Variants in GRIA4 observed in about 807,000 individuals in gnomAD.
The protein encoded by GRIA4 is glutamate receptor 4.
GRIA4 carries 34 observed loss-of-function variants against 104.0 expected under a neutral mutation model. The observed-to-expected ratio is 0.33, with a 90% CI of 0.25 to 0.44. The LOEUF is 0.44. Ranked by LOEUF, GRIA4 falls within the 20% of genes least tolerant of loss-of-function variation. The pLI, the probability that GRIA4 is intolerant of heterozygous loss-of-function variation, is 1.00. For synonymous variants in GRIA4, 386 were observed against 381.9 expected, an observed-to-expected ratio of 1.01 and a Z score of -0.13; for missense variants, 750 against 1,096.5, an observed-to-expected ratio of 0.68 and a Z score of 4.46.
intron 4 of GRIA4, among the ~76,000 whole-genome samples, chr11:105,755,170 G>A (rs748453426): frequency 6.6e-6 from 1 of 152,124 alleles, no homozygotes; most frequent in Non-Finnish European, 1.5e-5. Context: ...AGGAGAGATA[G>A]ATCTTATTAT....
At position 105,718,964 on chromosome 11, in the gene GRIA4, CAG is replaced by C. The variant is rs150243304; in HGVS notation, c.248-34014_248-34013del. On this transcript the variant is annotated intron_variant, in intron 3 of 16. Transcript: ENST00000282499. Reference sequence around the variant, plus strand: ...GAGTCAGGCATGAATGAGCTTACATCAGAGTTATGCCGTGGAGCTCCAGATCT... The same window carrying C: ...GAGTCAGGCATGAATGAGCTTACATCAGTTATGCCGTGGAGCTCCAGATCT... 2.9e-3 allele frequency among the ~76,000 whole-genome samples: 442 copies of C among 152,222 alleles called. 3 individuals carry two copies. The highest frequency in any genetic ancestry group is 0.01 in the African/African-American group (421 of 41,554).
At chr11:105,835,045 A>AT (rs1262863275) in intron 4 of GRIA4, among the ~76,000 whole-genome samples, 2 of 152,062 alleles carry the variant, frequency 1.3e-5, no homozygotes. Flanking sequence ...CTTTTGAGAA[A>AT]TGTGAATATT....
At chr11:105,794,096 G>A (rs1465105623) in intron 4 of GRIA4, among the ~76,000 whole-genome samples, 6 of 152,022 alleles carry the variant, frequency 3.9e-5, no homozygotes, top group East Asian at 1.9e-4. Context: ...AAATGTAGTC[G>A]GCAGTTATGA....
intron 4 of GRIA4, among the ~76,000 whole-genome samples, chr11:105,817,634 T>C (rs1387653596): frequency 2.0e-5 from 3 of 152,104 alleles, no homozygotes; most frequent in East Asian, 3.9e-4. Flanking sequence ...ATAAATTCCA[T>C]TTCAAAATAA....
intron 4 of GRIA4, among the ~76,000 whole-genome samples, chr11:105,769,907 A>AT (rs1565532113): frequency 1.3e-5 from 2 of 152,024 alleles, no homozygotes; most frequent in Non-Finnish European, 1.5e-5. Context: ...TTTTAGAGAT[A>AT]TTTTTCCCCT....
rs1403373590 is a variant in GRIA4, at chr11:105,634,518, A to T, written c.247+22084A>T. 1.0e-4 allele frequency among the ~76,000 whole-genome samples: 5 copies of T among 48,750 alleles called. No homozygotes were observed. The East Asian group carries it at 3.1e-3, about 30-fold the overall frequency. 32.0% of individuals were successfully genotyped at this position (48,750 alleles called of 152,430 possible). On this transcript the variant is annotated intron_variant, in intron 3 of 16. Transcript: ENST00000282499. Reference sequence around the variant, plus strand: ...GAAAGAAAGAAAGAAAGAAAGAAGAAAGAAAGAAAGAAAAGAAAGAAAAAG... The same window carrying T: ...GAAAGAAAGAAAGAAAGAAAGAAGATAGAAAGAAAGAAAAGAAAGAAAAAG...
intron 3 of GRIA4, among the ~76,000 whole-genome samples, chr11:105,685,701 G>A (rs1004715689): frequency 2.6e-5 from 4 of 152,260 alleles, no homozygotes; most frequent in South Asian, 2.1e-4. Flanking sequence ...GACATTCTAT[G>A]AGAAGAGAAA....
intron 3 of GRIA4, chr11:105,613,518 C>A (rs1320437782): frequency 6.6e-6 from 1 of 152,092 alleles, no homozygotes; most frequent in East Asian, 1.9e-4. Context: ...TCATATCAAG[C>A]TGGGAACATT....
chr11:105,714,261 A>G (rs1027849860), intron 3 of GRIA4, among the ~76,000 whole-genome samples: 4 of 152,066 alleles, frequency 2.6e-5, no homozygotes, highest in African/African-American at 9.7e-5. Context: ...AAACAAAAAA[A>G]AAAATCAATA....
chr11:105,792,376 G>C (rs1942252927), intron 4 of GRIA4, among the ~76,000 whole-genome samples: 1 of 152,128 alleles, frequency 6.6e-6, no homozygotes, highest in Admixed American at 6.6e-5. Context: ...GTATAAGAGA[G>C]TTCCAGTGAG....
intron 3 of GRIA4, among the ~76,000 whole-genome samples, chr11:105,739,080 T>C (rs1393702729): frequency 1.3e-5 from 2 of 152,092 alleles, no homozygotes; most frequent in Admixed American, 6.6e-5. Flanking sequence ...TACGGATTAG[T>C]AGTATAAAAG....
chr11:105,768,730 T>G (rs1292133088), intron 4 of GRIA4, among the ~76,000 whole-genome samples: 1 of 152,038 alleles, frequency 6.6e-6, no homozygotes, highest in Middle Eastern at 3.2e-3. Context: ...TCCATTGGAT[T>G]AAACAAATGT....
chr11:105,783,744 T>TTTTG (rs976557176), intron 4 of GRIA4, among the ~76,000 whole-genome samples: 13 of 145,376 alleles, frequency 8.9e-5, no homozygotes, highest in African/African-American at 3.1e-4. Flanking sequence ...TGGATGTTAT[T>TTTTG]TGTGTGTGTG....
intron 4 of GRIA4, among the ~76,000 whole-genome samples, chr11:105,785,534 C>T (rs1277074053): frequency 1.3e-5 from 2 of 152,138 alleles, no homozygotes; most frequent in Non-Finnish European, 2.9e-5. Context: ...TCAAACATTT[C>T]TGAAGCATGA....
intron 3 of GRIA4, chr11:105,614,545 A>C (rs1168242745): frequency 6.6e-6 from 1 of 152,030 alleles, no homozygotes; most frequent in African/African-American, 2.4e-5. Flanking sequence ...GAGAAAATTG[A>C]CACGAGTAAA....
intron 10 of GRIA4, 34 bp from the exon 11 acceptor site, chr11:105,918,678 T>A (rs1947476303): frequency 9.7e-7 from 1 of 1,028,396 alleles, no homozygotes; most frequent in South Asian, 1.3e-5. Context: ...TGTTTTATAA[T>A]TTCTCCTTTA....
At chr11:105,815,502 G>A (rs1276886337) in intron 4 of GRIA4, among the ~76,000 whole-genome samples, 2 of 152,082 alleles carry the variant, frequency 1.3e-5, no homozygotes, top group Admixed American at 6.6e-5. Context: ...CCTGACACCC[G>A]AATGCCCTCA....
chr11:105,835,381 A>G (rs1944139048), intron 4 of GRIA4, among the ~76,000 whole-genome samples: 1 of 152,038 alleles, frequency 6.6e-6, no homozygotes, highest in African/African-American at 2.4e-5. Context: ...GTGAAAAGAC[A>G]GCTAGATGTG....
intron 9 of GRIA4, among the ~76,000 whole-genome samples, chr11:105,907,589 T>C (rs1222943655): frequency 6.6e-6 from 1 of 152,164 alleles, no homozygotes; most frequent in Non-Finnish European, 1.5e-5. Flanking sequence ...CTTTCTGAAG[T>C]CCCAGCTGCT....
Sources: allele counts gnomAD v4.1 joint callset (sites outside exome capture counted in the v4.1 genomes callset), GRCh38; gene constraint gnomAD v4.1.1; transcripts MANE v1.5; gene names NCBI Gene and HGNC (gene_info 2026-07-23, HGNC 2026-07-21).